CSRP1: variants seen among roughly 807,000 people sequenced by gnomAD.
CSRP1 encodes cysteine and glycine rich protein 1.
Under a neutral mutation model 25.4 loss-of-function variants are expected in CSRP1, and 16 were observed. That is an observed-to-expected ratio of 0.63 (90% CI 0.43 to 0.96). The LOEUF (loss-of-function observed/expected upper bound fraction) is 0.96, where lower values mean the gene tolerates loss of function less well. Among genes scored for constraint, CSRP1 ranks in the 40% least tolerant of loss-of-function variants. CSRP1 has a pLI of 0.00. For synonymous variants in CSRP1, 97 were observed against 95.3 expected (o/e 1.02, Z -0.10); for missense variants, 212 against 243.6 (o/e 0.87, Z 0.86).
At chr1:201,496,557 T>C (rs964597848) in intron 1 of CSRP1, 17 of 524,980 alleles carry the variant, frequency 3.2e-5, no homozygotes, top group Non-Finnish European at 5.5e-5. Context: ...AGCCCTGTGC[T>C]AGGCACTCTA....
At chr1:201,489,902 A>C (rs1199350794) in intron 3 of CSRP1, 4 of 352,624 alleles carry the variant, frequency 1.1e-5, no homozygotes. Flanking sequence ...AATTGGACTA[A>C]GTGATTCTTG....
Position 201,496,232 on chromosome 1 carries a change from C to T in CSRP1, c.72G>A (p.Gln24=), listed in dbSNP as rs1458842138. Residue 24 remains glutamine, a synonymous_variant, in exon 2 of 6, where the codon CAG becomes CAA. Transcript: ENST00000340006. ...ATTTATGGAAGCTGTTGCCTTCGCA[C>T]TGAACCTCTTCGGCAAAGTAAACCG... The part of the protein sequence containing the change: ...QKTVYFAEEV[Q]CEGNSFHKSC... 2 of 1,614,242 alleles carry T rather than the reference C, an allele frequency of 1.2e-6. No homozygotes were observed. Among genetic ancestry groups the T allele is most frequent in the Non-Finnish European group, 1.7e-6 (2 of 1,180,048 alleles).
intron 2 of CSRP1, 175 bp downstream of exon 2, chr1:201,496,017 T>C (rs1571782721): frequency 1.7e-6 from 1 of 584,324 alleles, no homozygotes; most frequent in African/African-American, 1.9e-5. Flanking sequence ...AAGAAGCTTC[T>C]GAACGGAACA....
chr1:201,497,794 G>A (rs575067984), intron 1 of CSRP1, among the ~76,000 whole-genome samples: 3 of 152,196 alleles, frequency 2.0e-5, no homozygotes, highest in South Asian at 2.1e-4. Flanking sequence ...GGCAGATCAC[G>A]AGGTCGGGAG....
chr1:201,494,271 G>A lies in CSRP1; in HGVS notation c.112+1921C>T, dbSNP rs369367708. 9.2e-5 allele frequency among the ~76,000 whole-genome samples: 14 copies of A among 151,988 alleles called. No homozygotes were observed. In the South Asian group the frequency reaches 2.3e-3, roughly 25 times the overall value. On this transcript the variant is annotated intron_variant, in intron 2 of 5. Transcript: ENST00000340006. Reference sequence around the variant, plus strand: ...AACAGGTCTGCAGGCAGGCACCCCCGCCCACAGCTGACCCCTTATGGTCAG... The same window carrying A: ...AACAGGTCTGCAGGCAGGCACCCCCACCCACAGCTGACCCCTTATGGTCAG...
chr1:201,502,900 T>G, intron 1 of CSRP1, among the ~76,000 whole-genome samples: 1 of 151,238 alleles, frequency 6.6e-6, no homozygotes. Context: ...TTGGGGAGGC[T>G]GAGGTGGGTG....
At chr1:201,499,681 T>C (rs982328859) in intron 1 of CSRP1, among the ~76,000 whole-genome samples, 8 of 152,152 alleles carry the variant, frequency 5.3e-5, no homozygotes, top group African/African-American at 1.9e-4. Context: ...AGTGGCACAA[T>C]CTCTGCTCAC....
chr1:201,484,299 T>G lies in CSRP1; in HGVS notation c.*414A>C, dbSNP rs1664063938. ...ATCCAAAAAACCCAGCCTTCCCCCC[T>G]CCTCATCTTGGTCTTGCTTCCCTCT... On this transcript the variant is annotated 3_prime_UTR_variant, in exon 6 of 6. Transcript: ENST00000340006. 2.0e-6 allele frequency: 1 copy of G among 511,076 alleles called. No individual in the cohort carries two copies. The highest frequency in any genetic ancestry group is 3.5e-6 in the Non-Finnish European group (1 of 285,362). The allele number at this position is 511,076 out of a possible 1,614,324, so 31.7% of individuals were successfully genotyped here. A position where few individuals can be genotyped will look rare whatever the true frequency, so the allele number is the denominator to read the frequency against.
chr1:201,488,710 C>A, intron 4 of CSRP1, 145 bp downstream of exon 4: 2 of 894,730 alleles, frequency 2.2e-6, no homozygotes, highest in African/African-American at 3.4e-5. Context: ...CAGGTACATG[C>A]AACCCACAGG....
chr1:201,488,760 C>A, intron 4 of CSRP1, 95 bp downstream of exon 4: 2 of 1,489,720 alleles, frequency 1.3e-6, no homozygotes, highest in Non-Finnish European at 1.8e-6. Flanking sequence ...TCAGGCTGCC[C>A]TGAGCAGAGC....
intron 1 of CSRP1, among the ~76,000 whole-genome samples, chr1:201,501,636 C>CT (rs1429400905): frequency 3.9e-5 from 6 of 152,114 alleles, no homozygotes; most frequent in African/African-American, 7.2e-5. Flanking sequence ...GGTGGCAGCT[C>CT]TTACAGCAGC....
chr1:201,496,481 C>T (rs149458536), intron 1 of CSRP1, 177 bp from the exon 2 acceptor site: 229 of 617,436 alleles, frequency 3.7e-4, no homozygotes, highest in Middle Eastern at 2.7e-3. Flanking sequence ...CAGCCTCGCA[C>T]GTTCTCGGGG....
chr1:201,484,123 A>G lies in CSRP1; in HGVS notation c.*590T>C. On this transcript the variant is annotated 3_prime_UTR_variant, in exon 6 of 6. Transcript: ENST00000340006. ...GGCTATCCATTCCACAAAGACTCAA[A>G]GGCAAGAGGCCTGGAGAAGCAGGGG... 4.5e-6 allele frequency: 3 copies of G among 662,176 alleles called. No individual in the cohort carries two copies. Among genetic ancestry groups the G allele is most frequent in the Non-Finnish European group, 8.5e-6 (3 of 354,962 alleles). 41.0% of individuals were successfully genotyped at this position (662,176 alleles called of 1,614,324 possible). A position where few individuals can be genotyped will look rare whatever the true frequency, so the allele number is the denominator to read the frequency against.
In CSRP1 at chr1:201,497,684, C is replaced by T. The variant is rs148452482; in HGVS notation, c.-1-1380G>A. On this transcript the variant is annotated intron_variant, in intron 1 of 5. Coordinates refer to ENST00000340006, the MANE Select transcript of CSRP1 (RefSeq NM_004078.3). ...GCTGTGTGACCTTGGGCAAGATAGT[C>T]AGTCTTTCCAAACCTTGATTTCTGT... is the stretch of plus-strand genomic sequence containing the variant. Among the ~76,000 whole-genome samples, 4 of 152,188 alleles carry T rather than the reference C, an allele frequency of 2.6e-5. No homozygotes were observed. The East Asian group carries it at 7.7e-4, about 29-fold the overall frequency.
intron 1 of CSRP1, among the ~76,000 whole-genome samples, chr1:201,500,366 T>C (rs1255768285): frequency 6.6e-6 from 1 of 152,212 alleles, no homozygotes; most frequent in Non-Finnish European, 1.5e-5. Context: ...CCCCTTGTTT[T>C]CCCTGGCTCC....
chr1:201,485,135 C>T, intron 5 of CSRP1, 148 bp downstream of exon 5: 3 of 748,310 alleles, frequency 4.0e-6, no homozygotes, highest in Non-Finnish European at 6.8e-6. Flanking sequence ...GTCTTGTTTC[C>T]TCATCTGTAC....
chr1:201,489,035 G>A (rs754594969), intron 3 of CSRP1, 51 bp from the exon 4 acceptor site: 26 of 1,607,966 alleles, frequency 1.6e-5, no homozygotes, highest in Middle Eastern at 2.0e-4. Flanking sequence ...AAGTACAGGT[G>A]GGGCTGGCAC....
chr1:201,488,868 A>G lies in CSRP1; in HGVS notation c.398T>C (p.Ile133Thr), dbSNP rs767839834. Residue 133 changes from isoleucine to threonine, a missense_variant, in exon 4 of 6, where the codon ATT (isoleucine) becomes ACT (threonine). Ile to Thr is a moderately conservative substitution (Grantham distance 89, BLOSUM62 -1). Coordinates refer to ENST00000340006, the MANE Select transcript of CSRP1 (RefSeq NM_004078.3). ...CAGCCACCTTACCTTCCCAGCACCAATCACCTTCTCCGCAGCATAGACTGC... is the reference window on the plus strand; with the variant it reads ...CAGCCACCTTACCTTCCCAGCACCAGTCACCTTCTCCGCAGCATAGACTGC... ...SQAVYAAEKV[I>T]GAGKSWHKAC... 16 of 1,613,776 alleles carry G rather than the reference A, an allele frequency of 9.9e-6. No individual in the cohort carries two copies. The highest frequency in any genetic ancestry group is 1.6e-4 in the Middle Eastern group (1 of 6,082).
Position 201,484,793 on chromosome 1 carries a change from CAG to C in CSRP1, c.506-6_506-5del, listed in dbSNP as rs764195309. ...CCGAAGTTTTTAGCATAACATCCTGCAGAGAGAGGAGAGAGATAAGGGCATGT... is the reference window on the plus strand; with the variant it reads ...CCGAAGTTTTTAGCATAACATCCTGCAGAGAGGAGAGAGATAAGGGCATGT... On this transcript the variant is annotated splice_polypyrimidine_tract_variant and splice_region_variant and intron_variant, in intron 5 of 5. Coordinates refer to ENST00000340006, the MANE Select transcript of CSRP1 (RefSeq NM_004078.3). 4 of 1,610,506 alleles carry C rather than the reference CAG, an allele frequency of 2.5e-6. No homozygotes were observed. The African/African-American group carries it at 4.0e-5, about 16-fold the overall frequency.
Sources: allele counts gnomAD v4.1 joint callset (sites outside exome capture counted in the v4.1 genomes callset), GRCh38; gene constraint gnomAD v4.1.1; transcripts MANE v1.5; gene names NCBI Gene and HGNC (gene_info 2026-07-23, HGNC 2026-07-21).